USP33: variants seen among roughly 807,000 people sequenced by gnomAD.
USP33 encodes ubiquitin specific peptidase 33.
Under a neutral mutation model 124.2 loss-of-function variants are expected in USP33, and 46 were observed. That is an observed-to-expected ratio of 0.37 (90% CI 0.29 to 0.47). The LOEUF (loss-of-function observed/expected upper bound fraction) is 0.47, where lower values mean the gene tolerates loss of function less well. USP33 is among the 20% of genes least tolerant of loss of function. The pLI, the probability that USP33 is intolerant of heterozygous loss-of-function variation, is 0.99. For synonymous variants in USP33, 350 were observed against 352.3 expected (o/e 0.99, Z 0.07); for missense variants, 851 against 1,070.6 (o/e 0.79, Z 2.86).
chr1:77,742,233 G>T (rs1413036699), intron 1 of USP33, among the ~76,000 whole-genome samples: 1 of 151,950 alleles, frequency 6.6e-6, no homozygotes, highest in Non-Finnish European at 1.5e-5. Context: ...AAATCATCTG[G>T]TATCCTGGCC....
At position 77,740,229 on chromosome 1, in the gene USP33, C is replaced by T. The variant is rs1018053534; in HGVS notation, c.198+648G>A. ...AGTTAGGACTATGTGCAGGAAAAGGCAATATGACATGAGCTGAGACTTAAA... is the reference window on the plus strand; with the variant it reads ...AGTTAGGACTATGTGCAGGAAAAGGTAATATGACATGAGCTGAGACTTAAA... On this transcript the variant is annotated intron_variant, in intron 4 of 23. Coordinates refer to ENST00000370794, the MANE Select transcript of USP33 (RefSeq NM_201624.3). Among the ~76,000 whole-genome samples, 5 of 152,134 alleles carry T rather than the reference C, an allele frequency of 3.3e-5. No individual in the cohort carries two copies. The East Asian group carries it at 9.6e-4, about 29-fold the overall frequency.
chr1:77,723,473 A>G (rs1459668437), intron 11 of USP33, 30 bp from the exon 12 acceptor site: 1 of 1,433,876 alleles, frequency 7.0e-7, no homozygotes, highest in Non-Finnish European at 9.6e-7. Context: ...AAAAAAAATC[A>G]AAGCAGCTCC....
intron 1 of USP33, among the ~76,000 whole-genome samples, chr1:77,742,900 G>A (rs997288086): frequency 3.4e-4 from 52 of 151,644 alleles, no homozygotes; most frequent in Admixed American, 2.0e-4. Context: ...ATATAAGAGT[G>A]TCTGTCTGCC....
At chr1:77,706,718 T>C (rs1557815618) in intron 21 of USP33, among the ~76,000 whole-genome samples, 4 of 152,220 alleles carry the variant, frequency 2.6e-5, no homozygotes, top group Non-Finnish European at 4.4e-5. Flanking sequence ...TGGCAACACT[T>C]TGTGGGTTTG....
In USP33 at chr1:77,751,695, C is replaced by CT. The variant is rs998803439; in HGVS notation, c.-52+7947dup. On this transcript the variant is annotated intron_variant, in intron 1 of 23. Coordinates refer to ENST00000370794, the MANE Select transcript of USP33 (RefSeq NM_201624.3). ...ACAAAACTGCTTCTGAAGATATTAC[C>CT]TTTTTTTTTTTGAGACGGAGTCTTG... Among the ~76,000 whole-genome samples the CT allele has an allele frequency of 7.9e-4, 116 of 147,064 alleles. 1 individual carries two copies. Among genetic ancestry groups the CT allele is most frequent in the East Asian group, 1.0e-3 (5 of 5,016 alleles).
chr1:77,734,958 C>T (rs143011873), intron 6 of USP33, among the ~76,000 whole-genome samples: 3,523 of 152,050 alleles, frequency 0.023, 66 homozygotes, highest in Non-Finnish European at 0.038. Context: ...CCCATCTCTA[C>T]TAAAAATACA....
chr1:77,722,703 TGACTTGAGATTC>T (rs1470955698), intron 12 of USP33, among the ~76,000 whole-genome samples: 4 of 152,254 alleles, frequency 2.6e-5, no homozygotes, highest in Non-Finnish European at 5.9e-5. Flanking sequence ...TTCTTAGATT[TGACTTGAGATTC>T]TAACACAATA....
At chr1:77,716,672 A>G (rs1319905846) in intron 17 of USP33, among the ~76,000 whole-genome samples, 2 of 152,164 alleles carry the variant, frequency 1.3e-5, no homozygotes, top group African/African-American at 4.8e-5. Flanking sequence ...AGCTAGTGAG[A>G]TAAACTCCCC....
At chr1:77,722,002 T>C in intron 13 of USP33, 22 bp downstream of exon 13, 1 of 1,608,138 alleles carries the variant, frequency 6.2e-7, no homozygotes, top group Non-Finnish European at 8.5e-7. Context: ...AATCATGTAA[T>C]ACAAAGAAAA....
chr1:77,756,274 C>G (rs568076652), intron 1 of USP33, among the ~76,000 whole-genome samples: 1 of 152,022 alleles, frequency 6.6e-6, no homozygotes, highest in East Asian at 1.9e-4. Context: ...TTTCTAAATT[C>G]GGCATTTTTT....
Position 77,722,327 on chromosome 1 carries a change from G to T in USP33, c.1390-131C>A, listed in dbSNP as rs1271215802. 9 of 849,660 alleles carry T rather than the reference G, an allele frequency of 1.1e-5. No individual in the cohort carries two copies. In the East Asian group the frequency reaches 1.4e-4, roughly 13 times the overall value. 52.6% of individuals were successfully genotyped at this position (849,660 alleles called of 1,614,324 possible). On this transcript the variant is annotated intron_variant, in intron 12 of 23. Coordinates refer to ENST00000370794, the MANE Select transcript of USP33 (RefSeq NM_201624.3). The stretch of plus-strand genomic sequence containing the variant: ...AAAAACAAAAAACAAAAAAAAACAC[G>T]CAAATTGAACTGCTTTCATAGTCAT...
chr1:77,715,215 C>T (rs1675731663), intron 18 of USP33, among the ~76,000 whole-genome samples: 1 of 150,992 alleles, frequency 6.6e-6, no homozygotes, highest in Non-Finnish European at 1.5e-5. Flanking sequence ...CTTTCTTTTT[C>T]TTTTTTTTTC....
chr1:77,721,399 T>C (rs529665859), intron 14 of USP33, 194 bp from the exon 15 acceptor site: 2 of 601,048 alleles, frequency 3.3e-6, no homozygotes, highest in Admixed American at 3.2e-5. Context: ...ATTGAAGACC[T>C]ACCTCAAATA....
chr1:77,755,832 C>T (rs1308763077), intron 1 of USP33, among the ~76,000 whole-genome samples: 2 of 152,122 alleles, frequency 1.3e-5, no homozygotes, highest in Non-Finnish European at 2.9e-5. Context: ...GTGATAAGCC[C>T]TGGGGGATAG....
chr1:77,709,066 G>T (rs951688371), intron 21 of USP33, among the ~76,000 whole-genome samples: 1 of 152,012 alleles, frequency 6.6e-6, no homozygotes, highest in African/African-American at 2.4e-5. Context: ...AGTCTTTTCC[G>T]TTTGTAATTA....
intron 21 of USP33, among the ~76,000 whole-genome samples, chr1:77,708,285 T>A (rs1336217148): frequency 6.6e-6 from 1 of 152,306 alleles, no homozygotes; most frequent in South Asian, 2.1e-4. Context: ...ATATGAAATA[T>A]ATGAAAGGTA....
chr1:77,727,483 C>T (rs1677299556), intron 10 of USP33, among the ~76,000 whole-genome samples: 1 of 152,216 alleles, frequency 6.6e-6, no homozygotes, highest in Non-Finnish European at 1.5e-5. Context: ...CCTAACACTC[C>T]TAGTCTTCCC....
rs1570710033 is a variant in USP33, at chr1:77,697,545, C to A, written c.2579-71G>T. 6 of 1,473,760 alleles carry A rather than the reference C, an allele frequency of 4.1e-6. No homozygotes were observed. In the African/African-American group the frequency reaches 4.2e-5, roughly 10 times the overall value. 91.3% of individuals were successfully genotyped at this position (1,473,760 alleles called of 1,614,324 possible). ...ATATTGCAAAAGCGTTCATAATGTA[C>A]CCCCCAGCATGAATCTTCTCGGGAT... On this transcript the variant is annotated intron_variant, in intron 23 of 23. Transcript: ENST00000370794.
rs747390066 is a variant in USP33, at chr1:77,741,444, T to A, written c.82-15A>T. 5.0e-6 allele frequency: 8 copies of A among 1,600,112 alleles called. No homozygotes were observed. The highest frequency in any genetic ancestry group is 6.0e-6 in the Non-Finnish European group (7 of 1,176,206). Reference sequence around the variant, plus strand: ...TGACAAGTACCCTATAAAAAGAAATTAAAAAGACAACATTGGTTATATTGA... The same window carrying A: ...TGACAAGTACCCTATAAAAAGAAATAAAAAAGACAACATTGGTTATATTGA... On this transcript the variant is annotated splice_polypyrimidine_tract_variant and intron_variant, in intron 2 of 23. Coordinates refer to ENST00000370794, the MANE Select transcript of USP33 (RefSeq NM_201624.3).
Sources: allele counts gnomAD v4.1 joint callset (sites outside exome capture counted in the v4.1 genomes callset), GRCh38; gene constraint gnomAD v4.1.1; transcripts MANE v1.5; gene names NCBI Gene and HGNC (gene_info 2026-07-23, HGNC 2026-07-21).